The following QTGAL variants were observed in gnomAD, a reference collection of about 807,000 sequenced individuals.
QTGAL encodes queuosine-tRNA galactosyltransferase.
the QTGAL span, among the ~76,000 whole-genome samples, chr17:82,992,526 G>C: frequency 1.3e-5 from 2 of 152,166 alleles, no homozygotes; most frequent in Non-Finnish European, 2.9e-5. Flanking sequence ...AAAGCTGAGG[G>C]ATATTATCAA....
At chr17:82,945,262 T>C in the QTGAL span, 3 of 152,210 alleles carry the variant, frequency 2.0e-5, no homozygotes, top group African/African-American at 4.8e-5. Context: ...CTGGAAGATA[T>C]GACAGCAACA....
At chr17:82,996,819 G>A in the QTGAL span, among the ~76,000 whole-genome samples, 1 of 152,180 alleles carries the variant, frequency 6.6e-6, no homozygotes, top group Non-Finnish European at 1.5e-5. Context: ...TCAATAAATG[G>A]TGTTGGGAAA....
chr17:82,996,720 A>G, the QTGAL span, among the ~76,000 whole-genome samples: 1 of 152,228 alleles, frequency 6.6e-6, no homozygotes, highest in African/African-American at 2.4e-5. Flanking sequence ...GGAACAGAAT[A>G]GAGAACCCAT....
the QTGAL span, among the ~76,000 whole-genome samples, chr17:83,021,715 C>T: frequency 3.3e-5 from 5 of 152,034 alleles, no homozygotes; most frequent in Non-Finnish European, 4.4e-5. Context: ...ATTTTGAGAG[C>T]GGTAAGAACA....
the QTGAL span, among the ~76,000 whole-genome samples, chr17:83,040,735 T>C: frequency 0.2 from 30,867 of 152,134 alleles, 3,286 homozygotes; most frequent in Non-Finnish European, 0.24. Flanking sequence ...AAAAATATTC[T>C]TGAGCAAGAG....
At chr17:82,951,167 T>G in the QTGAL span, among the ~76,000 whole-genome samples, 1 of 152,326 alleles carries the variant, frequency 6.6e-6, no homozygotes, top group South Asian at 2.1e-4. Flanking sequence ...AGCCAGGCAT[T>G]GACTTCTCCC....
the QTGAL span, among the ~76,000 whole-genome samples, chr17:82,955,961 A>G: frequency 6.6e-6 from 1 of 150,818 alleles, no homozygotes; most frequent in Non-Finnish European, 1.5e-5. Flanking sequence ...GAACACATGG[A>G]CACAGGGAGG....
At chr17:83,011,189 G>C in the QTGAL span, among the ~76,000 whole-genome samples, 50 of 152,356 alleles carry the variant, frequency 3.3e-4, no homozygotes, top group Non-Finnish European at 6.8e-4. Flanking sequence ...GGTCAGCCGG[G>C]GCGAGAGGAG....
At chr17:82,982,136 C>A in the QTGAL span, among the ~76,000 whole-genome samples, 2 of 138,304 alleles carry the variant, frequency 1.4e-5, no homozygotes, top group African/African-American at 5.6e-5. Flanking sequence ...ATCCTTCTCA[C>A]CTCTGTGGTG....
the QTGAL span, among the ~76,000 whole-genome samples, chr17:82,997,930 A>ATATATAT: frequency 7.0e-4 from 92 of 131,620 alleles, no homozygotes; most frequent in Middle Eastern, 3.8e-3. Flanking sequence ...TAAAAAAAAA[A>ATATATAT]ATATATATAT....
the QTGAL span, among the ~76,000 whole-genome samples, chr17:82,991,823 A>G: frequency 2.6e-5 from 4 of 152,316 alleles, no homozygotes; most frequent in African/African-American, 7.2e-5. Flanking sequence ...GATAACACAG[A>G]AGGTATTCGG....
At chr17:83,007,801 G>A in the QTGAL span, among the ~76,000 whole-genome samples, 3 of 152,222 alleles carry the variant, frequency 2.0e-5, no homozygotes, top group Non-Finnish European at 4.4e-5. Flanking sequence ...CTAGAGGCCC[G>A]AGGCTGGCAA....
chr17:82,996,540 A>T, the QTGAL span, among the ~76,000 whole-genome samples: 3 of 146,088 alleles, frequency 2.1e-5, no homozygotes, highest in African/African-American at 7.6e-5. Context: ...AAAAAAAAAT[A>T]GAAAACACAA....
At chr17:82,962,850 T>C in the QTGAL span, among the ~76,000 whole-genome samples, 5 of 152,074 alleles carry the variant, frequency 3.3e-5, no homozygotes, top group African/African-American at 1.2e-4. Context: ...CAACAGCCGC[T>C]CCCGGGTGGT....
At chr17:83,005,515 C>T in the QTGAL span, 3 of 693,032 alleles carry the variant, frequency 4.3e-6, no homozygotes, top group Non-Finnish European at 5.3e-6. The surrounding 1 kb of genome is among the most constrained non-coding windows in gnomAD (Gnocchi z 5.6). Flanking sequence ...ATGACATTTC[C>T]CCTTAATGAA....
the QTGAL span, among the ~76,000 whole-genome samples, chr17:82,995,388 T>C: frequency 2.0e-5 from 3 of 149,946 alleles, no homozygotes. Flanking sequence ...TCTTTTTCTT[T>C]TTTTTTTTTT....
chr17:82,986,559 C>T, the QTGAL span, among the ~76,000 whole-genome samples: 1 of 152,206 alleles, frequency 6.6e-6, no homozygotes, highest in African/African-American at 2.4e-5. Flanking sequence ...TTTTCTTCCC[C>T]CGCTTTTCCG....
chr17:82,952,023 G>A, the QTGAL span, among the ~76,000 whole-genome samples: 1 of 152,194 alleles, frequency 6.6e-6, no homozygotes, highest in African/African-American at 2.4e-5. Context: ...GCACTGATGG[G>A]GTTGCTCTCG....
the QTGAL span, among the ~76,000 whole-genome samples, chr17:83,011,191 C>T: frequency 6.6e-5 from 10 of 152,144 alleles, no homozygotes; most frequent in African/African-American, 9.7e-5. Context: ...TCAGCCGGGG[C>T]GAGAGGAGGA....
Sources: allele counts gnomAD v4.1 joint callset (sites outside exome capture counted in the v4.1 genomes callset), GRCh38; gene constraint gnomAD v4.1.1; non-coding constraint Gnocchi (gnomAD v3.1); transcripts MANE v1.5; gene names NCBI Gene and HGNC (gene_info 2026-07-23, HGNC 2026-07-21).